PIGL: variants seen among roughly 807,000 people sequenced by gnomAD.
The protein encoded by PIGL is phosphatidylinositol glycan anchor biosynthesis class L, also known as N-acetylglucosaminyl-phosphatidylinositol de-N-acetylase.
In PIGL, 22 loss-of-function variants were observed where a neutral mutation model predicts 31.1. That is an observed-to-expected ratio of 0.71 (90% CI 0.51 to 1.01). The LOEUF is 1.01. PIGL is among the 50% of genes least tolerant of loss of function. PIGL has a pLI of 0.00. For synonymous variants in PIGL, 131 were observed against 117.4 expected (o/e 1.12, Z -0.75); for missense variants, 302 against 315.9 (o/e 0.96, Z 0.33).
rs533037463 is a variant in PIGL, at chr17:16,236,491, A to G, written c.335+2421A>G. 9.2e-5 allele frequency among the ~76,000 whole-genome samples: 14 copies of G among 152,304 alleles called. No homozygotes were observed. In the East Asian group the frequency reaches 2.5e-3, roughly 27 times the overall value. On this transcript the variant is annotated intron_variant, in intron 2 of 6. Coordinates refer to ENST00000225609, the MANE Select transcript of PIGL (RefSeq NM_004278.4). The stretch of plus-strand genomic sequence containing the variant: ...ATTCTGAAATCAGCCATTTCTCCAA[A>G]GAGCCTTTGTTTGTCTTAGTAGGGA...
At chr17:16,221,431 C>T (rs1408595373) in intron 1 of PIGL, among the ~76,000 whole-genome samples, 2 of 150,398 alleles carry the variant, frequency 1.3e-5, no homozygotes, top group East Asian at 3.9e-4. Context: ...AGACTATAGG[C>T]GTGTGCCAGC....
intron 2 of PIGL, among the ~76,000 whole-genome samples, chr17:16,297,923 G>A (rs148435303): frequency 2.0e-5 from 3 of 152,144 alleles, no homozygotes; most frequent in Non-Finnish European, 4.4e-5. Context: ...GGTGAGTGAC[G>A]GGCAAGCAAG....
chr17:16,291,634 G>T (rs2092961086), intron 2 of PIGL, among the ~76,000 whole-genome samples: 2 of 152,018 alleles, frequency 1.3e-5, no homozygotes, highest in African/African-American at 4.8e-5. Flanking sequence ...GGGAGGCAGA[G>T]GAGGGCGGGT....
rs1040706184 is a variant in PIGL at position 16,237,934 on chromosome 17, A to G, written c.335+3864A>G. Among the ~76,000 whole-genome samples, 5 of 151,904 alleles carry G rather than the reference A, an allele frequency of 3.3e-5. No individual in the cohort carries two copies. In the East Asian group the frequency reaches 9.7e-4, roughly 30 times the overall value. ...ATTTCAGGGCCGGGCGCATTGGCTC[A>G]CGCCTGTAATCCCAGCACTTGGGGA... On this transcript the variant is annotated intron_variant, in intron 2 of 6. Transcript: ENST00000225609.
At chr17:16,247,299 T>C (rs1224066278) in intron 2 of PIGL, among the ~76,000 whole-genome samples, 1 of 152,194 alleles carries the variant, frequency 6.6e-6, no homozygotes, top group Admixed American at 6.5e-5. Flanking sequence ...TTCATGTCCT[T>C]ATTTCATGCA....
intron 2 of PIGL, among the ~76,000 whole-genome samples, chr17:16,292,655 G>A (rs2092965915): frequency 6.6e-6 from 1 of 152,134 alleles, no homozygotes; most frequent in Admixed American, 6.6e-5. Context: ...TGATAGGGAG[G>A]CTTTAAAAAA....
In PIGL at chr17:16,229,858, A is replaced by ATTTTTTTTTT. The variant is rs71150280; in HGVS notation, c.236-4100_236-4091dup. Among the ~76,000 whole-genome samples, 25 of 97,694 alleles carry ATTTTTTTTTT rather than the reference A, an allele frequency of 2.6e-4. 3 individuals are homozygous for ATTTTTTTTTT. Among genetic ancestry groups the ATTTTTTTTTT allele is most frequent in the African/African-American group, 4.3e-4 (10 of 23,516 alleles). 64.1% of individuals were successfully genotyped at this position (97,694 alleles called of 152,430 possible). A position where few individuals can be genotyped will look rare whatever the true frequency, so the allele number is the denominator to read the frequency against. ...ATTCTAGTTTCATTTTAAAGTCATG[A>ATTTTTTTTTT]TTTTTTTTTTTTTTTTTTTTTTGAG... On this transcript the variant is annotated intron_variant, in intron 1 of 6. Coordinates refer to ENST00000225609, the MANE Select transcript of PIGL (RefSeq NM_004278.4).
chr17:16,288,854 G>A (rs2092948942), intron 2 of PIGL, among the ~76,000 whole-genome samples: 1 of 152,176 alleles, frequency 6.6e-6, no homozygotes, highest in Non-Finnish European at 1.5e-5. Flanking sequence ...TTCTTTAATA[G>A]GTCTCTTTAA....
At chr17:16,267,704 A>G (rs2092850808) in intron 2 of PIGL, among the ~76,000 whole-genome samples, 1 of 145,558 alleles carries the variant, frequency 6.9e-6, no homozygotes, top group Non-Finnish European at 1.5e-5. Flanking sequence ...CAAAAAAAAG[A>G]AAAAAAGAAA....
chr17:16,292,527 T>C (rs1225052034), intron 2 of PIGL, among the ~76,000 whole-genome samples: 1 of 152,162 alleles, frequency 6.6e-6, no homozygotes, highest in Non-Finnish European at 1.5e-5. Context: ...GACTCAGAAG[T>C]TACATTTATG....
Position 16,217,268 on chromosome 17 carries a change from G to A in PIGL, c.42G>A (p.Leu14=). The part of the protein sequence containing the change: ...MWLLCVALAV[L]AWGFLWVWDS... The stretch of plus-strand genomic sequence containing the variant: ...TCCTGTGTGTGGCGTTGGCGGTCTT[G>A]GCATGGGGCTTCCTCTGGGTTTGGG... Residue 14 remains leucine (L), a synonymous_variant, in exon 1 of 7, where the codon TTG becomes TTA. Coordinates refer to ENST00000225609, the MANE Select transcript of PIGL (RefSeq NM_004278.4). 2 of 1,614,196 alleles carry A rather than the reference G, an allele frequency of 1.2e-6. No homozygotes were observed. Among genetic ancestry groups the A allele is most frequent in the Non-Finnish European group, 1.7e-6 (2 of 1,180,022 alleles).
At chr17:16,246,995 A>G (rs2092751480) in intron 2 of PIGL, among the ~76,000 whole-genome samples, 1 of 152,010 alleles carries the variant, frequency 6.6e-6, no homozygotes, top group Non-Finnish European at 1.5e-5. Flanking sequence ...GGCCCAGATC[A>G]AGGTCTTGCA....
At chr17:16,304,170 C>T (rs1009760021) in intron 3 of PIGL, among the ~76,000 whole-genome samples, 3 of 152,160 alleles carry the variant, frequency 2.0e-5, no homozygotes, top group African/African-American at 7.2e-5. Flanking sequence ...GGCCATCATT[C>T]GAGCTGAGCA....
intron 6 of PIGL, among the ~76,000 whole-genome samples, chr17:16,321,237 C>CTTTT (rs772667855): frequency 4.2e-5 from 5 of 119,838 alleles, no homozygotes; most frequent in Admixed American, 8.5e-5. Flanking sequence ...TGCGCCGGGC[C>CTTTT]TTTTTTTTTT....
At chr17:16,231,067 C>CTTTT (rs59390439) in intron 1 of PIGL, among the ~76,000 whole-genome samples, 15 of 96,504 alleles carry the variant, frequency 1.6e-4, no homozygotes, top group African/African-American at 3.5e-4. Context: ...TTTGGTTTTT[C>CTTTT]TTTTTTTTTT....
intron 6 of PIGL, among the ~76,000 whole-genome samples, chr17:16,322,910 G>C (rs1270897059): frequency 6.6e-6 from 1 of 152,150 alleles, no homozygotes; most frequent in Non-Finnish European, 1.5e-5. Flanking sequence ...GATGCTGAGT[G>C]CTGTCTTGCA....
intron 1 of PIGL, among the ~76,000 whole-genome samples, chr17:16,218,773 G>A (rs1334870864): frequency 6.6e-6 from 1 of 150,686 alleles, no homozygotes; most frequent in Non-Finnish European, 1.5e-5. Flanking sequence ...CCACCACCCG[G>A]GTTCAAGTGA....
intron 2 of PIGL, among the ~76,000 whole-genome samples, chr17:16,285,677 A>C (rs1600823361): frequency 6.6e-6 from 1 of 152,230 alleles, no homozygotes; most frequent in African/African-American, 2.4e-5. Context: ...CTGCTTAGAA[A>C]TGAGGTCCTT....
At chr17:16,325,708 A>G in intron 6 of PIGL, 92 bp from the exon 7 acceptor site, 1 of 926,222 alleles carries the variant, frequency 1.1e-6, no homozygotes, top group East Asian at 2.4e-5. Flanking sequence ...TATTAGTTCG[A>G]GGAAGGATTT....
Sources: allele counts gnomAD v4.1 joint callset (sites outside exome capture counted in the v4.1 genomes callset), GRCh38; gene constraint gnomAD v4.1.1; transcripts MANE v1.5; gene names NCBI Gene and HGNC (gene_info 2026-07-23, HGNC 2026-07-21).